GOLGA4: variants seen among roughly 807,000 people sequenced by gnomAD.
GOLGA4 encodes the protein golgin subfamily A member 4.
Under a neutral mutation model 265.9 loss-of-function variants are expected in GOLGA4, and 169 were observed. That is an observed-to-expected ratio of 0.64 (90% confidence interval 0.56 to 0.72). GOLGA4 has a LOEUF of 0.72. Ranked by LOEUF, GOLGA4 falls within the 30% of genes least tolerant of loss-of-function variation. The pLI, the probability that GOLGA4 is intolerant of heterozygous loss-of-function variation, is 0.00. For synonymous variants in GOLGA4, 923 were observed against 855.8 expected (o/e 1.08, Z -1.37); for missense variants, 2,482 against 2,483.4 (o/e 1.00, Z 0.01).
chr3:37,332,523 A>G (rs1480284999), intron 16 of GOLGA4, among the ~76,000 whole-genome samples: 18 of 152,172 alleles, frequency 1.2e-4, no homozygotes, highest in Admixed American at 1.0e-3. Context: ...AAAACAACAA[A>G]AAAAATTAAA....
intron 10 of GOLGA4, among the ~76,000 whole-genome samples, chr3:37,308,614 A>T (rs1389395407): frequency 1.2e-5 from 1 of 81,276 alleles, no homozygotes; most frequent in Non-Finnish European, 4.0e-5. Context: ...TTAAAAGTAA[A>T]TATATATATA....
chr3:37,326,923 A>T lies in GOLGA4; in HGVS notation c.5037A>T (p.Thr1679=). 3 of 1,613,958 alleles carry T rather than the reference A, an allele frequency of 1.9e-6. No individual in the cohort carries two copies. Among genetic ancestry groups the T allele is most frequent in the Non-Finnish European group, 2.5e-6 (3 of 1,179,830 alleles). ...AAAGCCATTTGAGTGAGCTAAATAC[A>T]AAATTGCAGGAAAGAGAAAGGGAAG... ...GTESHLSELN[T]KLQEREREVH... is the part of the protein sequence containing the mutation. Residue 1679 remains threonine (T), a synonymous_variant, in exon 14 of 24, where the codon ACA becomes ACT. Coordinates refer to ENST00000361924, the MANE Select transcript of GOLGA4 (RefSeq NM_002078.5).
intron 5 of GOLGA4, among the ~76,000 whole-genome samples, chr3:37,292,514 C>T (rs764419566): frequency 2.4e-4 from 36 of 152,002 alleles, no homozygotes; most frequent in Non-Finnish European, 4.0e-4. Flanking sequence ...GGTGAAACCC[C>T]GTCTCTAGTA....
intron 10 of GOLGA4, among the ~76,000 whole-genome samples, chr3:37,308,338 T>G (rs1245109777): frequency 6.6e-6 from 1 of 151,872 alleles, no homozygotes; most frequent in African/African-American, 2.4e-5. Flanking sequence ...GTTATATATT[T>G]TGTAGTATGG....
intron 21 of GOLGA4, among the ~76,000 whole-genome samples, chr3:37,351,697 T>C (rs2097075023): frequency 6.6e-6 from 1 of 152,194 alleles, no homozygotes; most frequent in African/African-American, 2.4e-5. Context: ...TGACCAGGTG[T>C]ATTATCAATG....
intron 1 of GOLGA4, among the ~76,000 whole-genome samples, chr3:37,245,990 C>T (rs1032262131): frequency 1.3e-5 from 2 of 152,164 alleles, no homozygotes; most frequent in African/African-American, 4.8e-5. Flanking sequence ...TGGCCTTACG[C>T]CTGTAATCCC....
intron 3 of GOLGA4, among the ~76,000 whole-genome samples, chr3:37,282,734 C>G (rs1176671963): frequency 6.6e-6 from 1 of 152,176 alleles, no homozygotes; most frequent in Admixed American, 6.5e-5. Flanking sequence ...TTGGTTCATT[C>G]TCATTGTACC....
chr3:37,304,704 A>G (rs2096901553), intron 10 of GOLGA4, among the ~76,000 whole-genome samples: 1 of 152,222 alleles, frequency 6.6e-6, no homozygotes, highest in African/African-American at 2.4e-5. Flanking sequence ...GAAAAGGGTA[A>G]ATGATGAAAA....
chr3:37,361,098 G>A (rs1696224536), intron 22 of GOLGA4, 145 bp from the exon 23 acceptor site: 3 of 620,266 alleles, frequency 4.8e-6, no homozygotes, highest in African/African-American at 1.8e-5. Flanking sequence ...CTTATTCCTT[G>A]CCTGTACACC....
At chr3:37,308,532 TA>T (rs1241163384) in intron 10 of GOLGA4, among the ~76,000 whole-genome samples, 2 of 151,606 alleles carry the variant, frequency 1.3e-5, no homozygotes, top group African/African-American at 2.4e-5. Flanking sequence ...TTAACACTCT[TA>T]AAACTTATTG....
chr3:37,361,309 A>G lies in GOLGA4; in HGVS notation c.*33+4A>G, dbSNP rs746264394. 1.2e-6 allele frequency: 2 copies of G among 1,601,512 alleles called. No homozygotes were observed. Among genetic ancestry groups the G allele is most frequent in the Non-Finnish European group, 8.6e-7 (1 of 1,168,698 alleles). Reference sequence around the variant, plus strand: ...GTCTGTGCTTAGTTAACATGTGGTGAGTGAAGAACAATGTCTTGTGTCTTT... The same window carrying G: ...GTCTGTGCTTAGTTAACATGTGGTGGGTGAAGAACAATGTCTTGTGTCTTT... On this transcript the variant is annotated splice_donor_region_variant and intron_variant, in intron 23 of 23. Coordinates refer to ENST00000361924, the MANE Select transcript of GOLGA4 (RefSeq NM_002078.5).
chr3:37,263,208 T>C (rs1371675434), intron 2 of GOLGA4, among the ~76,000 whole-genome samples: 1 of 152,264 alleles, frequency 6.6e-6, no homozygotes, highest in Non-Finnish European at 1.5e-5. Context: ...TGGACTAGTT[T>C]GTAGCGTAGG....
chr3:37,299,053 A>C, intron 8 of GOLGA4, 33 bp downstream of exon 8: 2 of 1,517,336 alleles, frequency 1.3e-6, no homozygotes, highest in Non-Finnish European at 1.8e-6. Context: ...TTCTAATTTA[A>C]TCTATAAAGT....
intron 5 of GOLGA4, among the ~76,000 whole-genome samples, chr3:37,294,337 A>G (rs1440115420): frequency 4.3e-4 from 66 of 152,062 alleles, no homozygotes; most frequent in Admixed American, 4.2e-3. Context: ...AATATAATAT[A>G]ACACAAGTAG....
intron 21 of GOLGA4, among the ~76,000 whole-genome samples, chr3:37,352,217 T>G (rs1008972669): frequency 2.0e-5 from 3 of 152,018 alleles, no homozygotes; most frequent in Non-Finnish European, 4.4e-5. Flanking sequence ...AGAGGTTTAA[T>G]TGACTCACAG....
At chr3:37,252,731 G>A (rs867393853) in intron 2 of GOLGA4, among the ~76,000 whole-genome samples, 2 of 152,094 alleles carry the variant, frequency 1.3e-5, no homozygotes, top group Admixed American at 6.6e-5. Context: ...GATAACTAAC[G>A]AGATTGAGCA....
At chr3:37,296,242 G>T (rs745894338) in intron 7 of GOLGA4, 23 bp downstream of exon 7, 1 of 1,612,428 alleles carries the variant, frequency 6.2e-7, no homozygotes. Context: ...TTGTCAAAAG[G>T]TTAATTTAAA....
chr3:37,260,301 G>T (rs896212997), intron 2 of GOLGA4, among the ~76,000 whole-genome samples: 15 of 152,020 alleles, frequency 9.9e-5, no homozygotes, highest in African/African-American at 3.1e-4. Flanking sequence ...ACTAACAGTT[G>T]TACTTAACAG....
intron 2 of GOLGA4, among the ~76,000 whole-genome samples, chr3:37,255,091 A>G (rs944195027): frequency 6.6e-6 from 1 of 151,842 alleles, no homozygotes; most frequent in Admixed American, 6.6e-5. Flanking sequence ...GGCTTTTTCC[A>G]AACTTATCTT....
Sources: allele counts gnomAD v4.1 joint callset (sites outside exome capture counted in the v4.1 genomes callset), GRCh38; gene constraint gnomAD v4.1.1; transcripts MANE v1.5; gene names NCBI Gene and HGNC (gene_info 2026-07-23, HGNC 2026-07-21).